The following APBB2 variants were observed in gnomAD, a reference collection of about 807,000 sequenced individuals.
APBB2 encodes Fe65-like 1.
APBB2 carries 38 observed loss-of-function variants against 82.5 expected under a neutral mutation model. The ratio of observed to expected loss-of-function variants is 0.46; its 90% CI spans 0.36 to 0.60. The LOEUF (loss-of-function observed/expected upper bound fraction) is 0.60. Among genes scored for constraint, APBB2 ranks in the 20% least tolerant of loss-of-function variants. The pLI is 0.00. For missense variants in APBB2, 772 were observed against 972.3 expected, an observed-to-expected ratio of 0.79 and a Z score of 2.74; for synonymous variants, 341 against 368.2, an observed-to-expected ratio of 0.93 and a Z score of 0.85.
intron 10 of APBB2, among the ~76,000 whole-genome samples, chr4:40,898,931 G>A (rs1208475214): frequency 1.3e-5 from 2 of 152,024 alleles, no homozygotes; most frequent in Admixed American, 6.6e-5. Flanking sequence ...GTCTGGGTAG[G>A]ACCCAAGAAT....
intron 1 of APBB2, among the ~76,000 whole-genome samples, chr4:41,213,827 T>C (rs186374739): frequency 6.6e-6 from 1 of 152,304 alleles, no homozygotes; most frequent in East Asian, 1.9e-4. Context: ...CCCCCTTTCA[T>C]GTCTCATGGG....
At chr4:41,165,849 T>C (rs1766391603) in intron 1 of APBB2, among the ~76,000 whole-genome samples, 1 of 150,926 alleles carries the variant, frequency 6.6e-6, no homozygotes, top group Admixed American at 6.6e-5. Flanking sequence ...CTGCAAGCCA[T>C]TCATGCCAGC....
At chr4:41,067,073 A>G (rs1732147761) in intron 3 of APBB2, among the ~76,000 whole-genome samples, 1 of 152,344 alleles carries the variant, frequency 6.6e-6, no homozygotes, top group Admixed American at 6.5e-5. Context: ...ACCAAGGTAG[A>G]GAACATAGGA....
chr4:41,038,991 A>G (rs748921462), intron 4 of APBB2, among the ~76,000 whole-genome samples: 2 of 152,256 alleles, frequency 1.3e-5, no homozygotes, highest in African/African-American at 2.4e-5. Context: ...ACTGCTGCCA[A>G]TAACATCAAT....
chr4:41,015,732 G>A (rs1697440719), intron 5 of APBB2, among the ~76,000 whole-genome samples: 1 of 152,152 alleles, frequency 6.6e-6, no homozygotes, highest in Non-Finnish European at 1.5e-5. Flanking sequence ...CCAAGGGTTA[G>A]GATCTTGGGC....
intron 1 of APBB2, among the ~76,000 whole-genome samples, chr4:41,198,489 A>T: frequency 9.8e-4 from 149 of 152,322 alleles, no homozygotes; most frequent in Non-Finnish European, 1.6e-3. Flanking sequence ...TTATCCTCAA[A>T]ACAACTATAG....
intron 12 of APBB2, among the ~76,000 whole-genome samples, chr4:40,877,328 G>C (rs1767182594): frequency 6.6e-6 from 1 of 152,178 alleles, no homozygotes; most frequent in Admixed American, 6.5e-5. Context: ...ACACCCTCGT[G>C]GCACGTGGTT....
At chr4:41,148,083 T>C (rs966514713) in intron 1 of APBB2, among the ~76,000 whole-genome samples, 1 of 152,042 alleles carries the variant, frequency 6.6e-6, no homozygotes, top group Admixed American at 6.6e-5. Flanking sequence ...TAAAAAAAAA[T>C]TTTCTTTCAA....
chr4:41,074,757 C>A (rs977203305), intron 3 of APBB2, among the ~76,000 whole-genome samples: 10 of 151,984 alleles, frequency 6.6e-5, no homozygotes, highest in Middle Eastern at 6.8e-3. Flanking sequence ...CTACAGGCAT[C>A]CGCCACCAGT....
At chr4:40,900,514 G>A (rs1228790276) in intron 10 of APBB2, among the ~76,000 whole-genome samples, 1 of 148,878 alleles carries the variant, frequency 6.7e-6, no homozygotes, top group African/African-American at 2.5e-5. Flanking sequence ...GGAGTGCAGT[G>A]GCACTGTCTT....
At chr4:41,049,923 G>C (rs1387148508) in intron 4 of APBB2, among the ~76,000 whole-genome samples, 1 of 152,068 alleles carries the variant, frequency 6.6e-6, no homozygotes, top group Non-Finnish European at 1.5e-5. Flanking sequence ...AAGGCAGCAT[G>C]CTCGTTAAGA....
At chr4:41,044,634 T>C (rs1428553430) in intron 4 of APBB2, among the ~76,000 whole-genome samples, 1 of 152,250 alleles carries the variant, frequency 6.6e-6, no homozygotes, top group Non-Finnish European at 1.5e-5. Flanking sequence ...CTGGCTCACA[T>C]TTTGTTTCCT....
At chr4:41,019,428 G>C (rs1201938562) in intron 5 of APBB2, among the ~76,000 whole-genome samples, 2 of 152,120 alleles carry the variant, frequency 1.3e-5, no homozygotes, top group Non-Finnish European at 2.9e-5. Context: ...AGACACGTGT[G>C]TCACTACAGT....
intron 3 of APBB2, among the ~76,000 whole-genome samples, chr4:41,088,360 C>A (rs11945256): frequency 0.15 from 23,494 of 152,244 alleles, 2,001 homozygotes; most frequent in Non-Finnish European, 0.19. Flanking sequence ...TATCAACTCA[C>A]CCCTGCCCTA....
chr4:40,976,525 A>G (rs889322924), intron 6 of APBB2, among the ~76,000 whole-genome samples: 1 of 152,236 alleles, frequency 6.6e-6, no homozygotes, highest in Non-Finnish European at 1.5e-5. Context: ...TGGGAATCAT[A>G]TTACCATAGG....
rs896841869 is a variant in APBB2 at position 40,837,145 on chromosome 4, C to T, written c.1530-6568G>A. ...TCCTGACAGACTGTGCAAACCTAAACTGGTGCGATCAGCTCAGGCCGAGCA... is the reference window on the plus strand; with the variant it reads ...TCCTGACAGACTGTGCAAACCTAAATTGGTGCGATCAGCTCAGGCCGAGCA... On this transcript the variant is annotated intron_variant, in intron 12 of 17. Coordinates refer to ENST00000508593, the MANE Select transcript of APBB2 (RefSeq NM_004307.2). Among the ~76,000 whole-genome samples the T allele has an allele frequency of 3.9e-5, 6 of 152,338 alleles. No individual in the cohort carries two copies. In the East Asian group the frequency reaches 1.2e-3, roughly 29 times the overall value.
intron 6 of APBB2, among the ~76,000 whole-genome samples, chr4:40,999,553 G>A (rs1321517481): frequency 1.3e-5 from 2 of 152,332 alleles, no homozygotes; most frequent in South Asian, 2.1e-4. Flanking sequence ...GCAGCTTACA[G>A]TTCAGTTTCA....
rs1486463199 is a variant in APBB2 at position 40,824,306 on chromosome 4, G to C, written c.1817-547C>G. ...CCTCTCTCCACCCTCACTGTCTCTT[G>C]ATGGCACCTTTACAGTGGATCCCCC... On this transcript the variant is annotated intron_variant, in intron 15 of 17. Transcript: ENST00000508593. Among the ~76,000 whole-genome samples the C allele has an allele frequency of 2.0e-5, 3 of 152,270 alleles. No homozygotes were observed. In the East Asian group the frequency reaches 5.8e-4, roughly 29 times the overall value.
intron 1 of APBB2, among the ~76,000 whole-genome samples, chr4:41,163,578 T>C (rs1022470222): frequency 6.6e-6 from 1 of 152,308 alleles, no homozygotes; most frequent in African/African-American, 2.4e-5. Flanking sequence ...AGAAAATATA[T>C]ACACCTTTCA....
Sources: allele counts gnomAD v4.1 joint callset (sites outside exome capture counted in the v4.1 genomes callset), GRCh38; gene constraint gnomAD v4.1.1; transcripts MANE v1.5; gene names NCBI Gene and HGNC (gene_info 2026-07-23, HGNC 2026-07-21).